ROR1: variants seen among roughly 807,000 people sequenced by gnomAD.
ROR1 encodes inactive tyrosine-protein kinase transmembrane receptor ROR1.
ROR1 carries 19 observed loss-of-function variants against 78.8 expected under a neutral mutation model. The observed-to-expected ratio is 0.24, with a 90% CI of 0.17 to 0.35. The LOEUF (loss-of-function observed/expected upper bound fraction) is 0.35. Ranked by LOEUF, ROR1 falls within the 10% of genes least tolerant of loss-of-function variation. ROR1 has a pLI of 1.00. For missense variants in ROR1, 917 were observed against 1,177.8 expected (o/e 0.78, Z 3.24); for synonymous variants, 386 against 433.6 (o/e 0.89, Z 1.36).
chr1:64,162,603 A>G (rs1209220732), intron 8 of ROR1, among the ~76,000 whole-genome samples: 1 of 133,594 alleles, frequency 7.5e-6, no homozygotes, highest in Non-Finnish European at 1.7e-5. Flanking sequence ...TTGCAGTTCA[A>G]TTTTCTCAGC....
At chr1:63,798,961 C>G (rs1644779250) in intron 1 of ROR1, among the ~76,000 whole-genome samples, 1 of 152,180 alleles carries the variant, frequency 6.6e-6, no homozygotes, top group Non-Finnish European at 1.5e-5. Context: ...TATTCAGGGG[C>G]TTAACGTCAA....
chr1:64,126,723 A>C (rs141279693), intron 4 of ROR1, among the ~76,000 whole-genome samples: 4 of 152,150 alleles, frequency 2.6e-5, no homozygotes, highest in Admixed American at 6.6e-5. Flanking sequence ...AGCAATGCCA[A>C]GTTCAGTCCC....
intron 1 of ROR1, among the ~76,000 whole-genome samples, chr1:63,817,953 G>C (rs1284874652): frequency 6.6e-6 from 1 of 152,170 alleles, no homozygotes; most frequent in African/African-American, 2.4e-5. Context: ...ACCCACTGTA[G>C]TAACTGAAAT....
chr1:64,013,501 A>G (rs1646493717), intron 2 of ROR1, among the ~76,000 whole-genome samples: 2 of 152,108 alleles, frequency 1.3e-5, no homozygotes, highest in African/African-American at 2.4e-5. Context: ...ACCTTTGTTC[A>G]TGCAGCTTCC....
At chr1:63,911,414 G>A (rs140461325) in intron 1 of ROR1, among the ~76,000 whole-genome samples, 1,837 of 152,170 alleles carry the variant, frequency 0.012, 41 homozygotes, top group African/African-American at 0.041. Flanking sequence ...GCAGGTGAGC[G>A]AGCATTACTA....
intron 1 of ROR1, among the ~76,000 whole-genome samples, chr1:63,846,054 G>A (rs560014948): frequency 5.3e-5 from 8 of 151,966 alleles, no homozygotes; most frequent in Admixed American, 2.0e-4. Flanking sequence ...GAAGGGCACC[G>A]CAACCCACAA....
intron 4 of ROR1, among the ~76,000 whole-genome samples, chr1:64,103,984 G>A (rs1647678160): frequency 6.6e-6 from 1 of 152,076 alleles, no homozygotes. Flanking sequence ...GCATCTAGTA[G>A]GTTAAGGCCA....
At chr1:63,884,956 C>T (rs1433193931) in intron 1 of ROR1, among the ~76,000 whole-genome samples, 1 of 151,958 alleles carries the variant, frequency 6.6e-6, no homozygotes, top group African/African-American at 2.4e-5. Context: ...AATCCAAGCG[C>T]TGCTGCTCAC....
chr1:63,933,460 G>A (rs1261492561), intron 1 of ROR1, among the ~76,000 whole-genome samples: 2 of 152,074 alleles, frequency 1.3e-5, no homozygotes, highest in African/African-American at 4.8e-5. Context: ...CAAATGTCTG[G>A]CATATAATAG....
rs537030481 is a variant in ROR1, at chr1:63,959,029, C to T, written c.92-50276C>T. ...CTCACACTGCTAATAAAGACATACC[C>T]GAGACTCGGTAATTTATAAAGGAAA... On this transcript the variant is annotated intron_variant, in intron 1 of 8. Coordinates refer to ENST00000371079, the MANE Select transcript of ROR1 (RefSeq NM_005012.4). 1.9e-4 allele frequency among the ~76,000 whole-genome samples: 29 copies of T among 152,202 alleles called. No individual in the cohort carries two copies. The East Asian group carries it at 4.8e-3, about 25-fold the overall frequency.
chr1:64,124,740 G>T (rs1648654746), intron 4 of ROR1, among the ~76,000 whole-genome samples: 1 of 152,132 alleles, frequency 6.6e-6, no homozygotes, highest in South Asian at 2.1e-4. Context: ...GTGGGAAGGG[G>T]TTCTTTCCTT....
intron 4 of ROR1, among the ~76,000 whole-genome samples, chr1:64,113,958 C>T (rs1459337837): frequency 4.6e-5 from 7 of 152,142 alleles, no homozygotes; most frequent in Non-Finnish European, 8.8e-5. Flanking sequence ...CACTCTTACT[C>T]GTGGTGATAT....
At chr1:63,890,879 G>A (rs771864578) in intron 1 of ROR1, among the ~76,000 whole-genome samples, 3 of 152,040 alleles carry the variant, frequency 2.0e-5, no homozygotes, top group Non-Finnish European at 4.4e-5. Flanking sequence ...GCCATACCAC[G>A]CTGAACATGC....
At position 64,140,368 on chromosome 1, in the gene ROR1, C is replaced by T. The variant is rs1360861979; in HGVS notation, c.870C>T (p.Ser290=). 1 of 1,614,096 alleles carries T rather than the reference C, an allele frequency of 6.2e-7. No individual in the cohort carries two copies. The highest frequency in any genetic ancestry group is 1.7e-5 in the Admixed American group (1 of 60,018). ...PNCEDLPQPE[S]PEAANCIRIG... ...GTGAAGATCTCCCCCAGCCAGAGAG[C>T]CCAGAAGCTGCGAACTGTATCCGGA... Residue 290 remains serine (S), a synonymous_variant, in exon 6 of 9, where the codon AGC becomes AGT. Coordinates refer to ENST00000371079, the MANE Select transcript of ROR1 (RefSeq NM_005012.4).
intron 1 of ROR1, among the ~76,000 whole-genome samples, chr1:63,922,753 C>A (rs370466386): frequency 1.5e-4 from 23 of 151,906 alleles, no homozygotes; most frequent in African/African-American, 5.3e-4. Context: ...GTTTTGTTAC[C>A]CATATTTTAG....
chr1:64,081,768 C>CAAAAAA (rs55945635), intron 4 of ROR1, among the ~76,000 whole-genome samples: 1 of 98,938 alleles, frequency 1.0e-5, no homozygotes, highest in African/African-American at 4.2e-5. Flanking sequence ...GAGACACTGT[C>CAAAAAA]AAAAAAAAAA....
chr1:64,167,852 C>G (rs1401346526), intron 8 of ROR1, among the ~76,000 whole-genome samples: 1 of 152,180 alleles, frequency 6.6e-6, no homozygotes, highest in Non-Finnish European at 1.5e-5. Flanking sequence ...CCAGAGAGCT[C>G]TTATACCTTG....
At chr1:63,998,109 C>T (rs1646353355) in intron 1 of ROR1, among the ~76,000 whole-genome samples, 1 of 152,068 alleles carries the variant, frequency 6.6e-6, no homozygotes, top group South Asian at 2.1e-4. Context: ...TCCCATCTAA[C>T]CTATTCCAGG....
chr1:63,994,876 T>C (rs1336140236), intron 1 of ROR1, among the ~76,000 whole-genome samples: 1 of 151,634 alleles, frequency 6.6e-6, no homozygotes, highest in Non-Finnish European at 1.5e-5. Context: ...ATCCATCAAG[T>C]GCACAGTAGC....
Sources: allele counts gnomAD v4.1 joint callset (sites outside exome capture counted in the v4.1 genomes callset), GRCh38; gene constraint gnomAD v4.1.1; transcripts MANE v1.5; gene names NCBI Gene and HGNC (gene_info 2026-07-23, HGNC 2026-07-21).